The following FCRL3 variants were observed in gnomAD, a reference collection of about 807,000 sequenced individuals.
The protein encoded by FCRL3 is Fc receptor like 3.
In FCRL3, 89 loss-of-function variants were observed where a neutral mutation model predicts 75.0. That is an observed-to-expected ratio of 1.19 (90% CI 1.00 to 1.42). The LOEUF (loss-of-function observed/expected upper bound fraction) is 1.42, where lower values mean the gene tolerates loss of function less well. FCRL3 is among the 40% of genes most tolerant of loss of function. The pLI, the probability that FCRL3 is intolerant of heterozygous loss-of-function variation, is 0.00. For missense variants in FCRL3, 946 were observed against 880.0 expected (o/e 1.07, Z -0.95); for synonymous variants, 376 against 348.5 (o/e 1.08, Z -0.88).
chr1:157,695,428 T>G lies in FCRL3; in HGVS notation c.1312A>C (p.Asn438His). 6.2e-7 allele frequency: 1 copy of G among 1,614,186 alleles called. No individual in the cohort carries two copies. Among genetic ancestry groups the G allele is most frequent in the Non-Finnish European group, 8.5e-7 (1 of 1,180,024 alleles). Reference protein sequence around the residue: ...SAPSGGGASFNLSLTAEHSGN... With the variant: ...SAPSGGGASFHLSLTAEHSGN... ...GAATGTTCTGCAGTCAGAGAGAGGTTGAAGGAGGCTCCTCCTCCAGAGGGG... is the reference window on the plus strand; with the variant it reads ...GAATGTTCTGCAGTCAGAGAGAGGTGGAAGGAGGCTCCTCCTCCAGAGGGG... Residue 438 changes from asparagine (N) to histidine (H), a missense_variant, in exon 8 of 15, where the codon AAC becomes CAC. Transcript: ENST00000368184.
chr1:157,693,047 G>A (rs552806791), intron 8 of FCRL3, among the ~76,000 whole-genome samples: 27 of 151,974 alleles, frequency 1.8e-4, no homozygotes, highest in African/African-American at 5.8e-4. Context: ...AGGCTGTCGC[G>A]GGTAGATTCC....
At chr1:157,696,694 C>T (rs942200029) in intron 6 of FCRL3, 6 of 265,114 alleles carry the variant, frequency 2.3e-5, no homozygotes, top group Admixed American at 4.9e-5. Context: ...AAACCCTTCT[C>T]CTATTCTTCA....
chr1:157,689,076 T>C (rs1473085100), intron 10 of FCRL3, among the ~76,000 whole-genome samples: 4 of 152,198 alleles, frequency 2.6e-5, no homozygotes, highest in Admixed American at 6.5e-5. Context: ...AGAGATTGAA[T>C]ACTTTCCCCC....
intron 10 of FCRL3, among the ~76,000 whole-genome samples, chr1:157,689,398 C>T (rs761484439): frequency 1.7e-4 from 26 of 151,986 alleles, no homozygotes; most frequent in Non-Finnish European, 2.6e-4. Flanking sequence ...TCATTTTTGG[C>T]ATTCTTTATT....
intron 5 of FCRL3, 30 bp downstream of exon 5, chr1:157,697,629 C>T (rs372810600): frequency 8.8e-6 from 14 of 1,594,164 alleles, no homozygotes; most frequent in Non-Finnish European, 1.2e-5. Context: ...CCCTAACAAA[C>T]CCAGTAATCC....
Position 157,677,394 on chromosome 1 carries a change from C to T in FCRL3, c.*1316G>A. On this transcript the variant is annotated 3_prime_UTR_variant, in exon 15 of 15. Transcript: ENST00000368184. ...CTTTGAAAGGGACTTGGTGTTCCTA[C>T]ATGAACCAAGTGAAGGCCTAGAATT... is the stretch of plus-strand genomic sequence containing the variant. The T allele has an allele frequency of 4.1e-6, 4 of 985,648 alleles. No homozygotes were observed. The highest frequency in any genetic ancestry group is 3.6e-6 in the Non-Finnish European group (3 of 830,100). The allele number at this position is 985,648 out of a possible 1,614,324, so 61.1% of individuals were successfully genotyped here.
Position 157,698,515 on chromosome 1 carries a change from G to T in FCRL3, c.167C>A (p.Thr56Lys), listed in dbSNP as rs753184362. ...SISHSLAQGDTYWYHDEKLLK... is the reference protein window; with the variant it reads ...SISHSLAQGDKYWYHDEKLLK... ...CAACTTCTCATCGTGATACCAATAT[G>T]TGTCTCCCTGGGCTAGGGAATGTGA... The change falls in exon 4 of 15, where the codon ACA (threonine) becomes AAA (lysine). Residue 56 changes from threonine to lysine, a missense_variant. Coordinates refer to ENST00000368184, the MANE Select transcript of FCRL3 (RefSeq NM_052939.4). 6 of 1,614,210 alleles carry T rather than the reference G, an allele frequency of 3.7e-6. No individual in the cohort carries two copies. The highest frequency in any genetic ancestry group is 5.1e-6 in the Non-Finnish European group (6 of 1,180,028).
intron 8 of FCRL3, among the ~76,000 whole-genome samples, chr1:157,693,157 C>T (rs1655658381): frequency 6.6e-6 from 1 of 151,674 alleles, no homozygotes; most frequent in Non-Finnish European, 1.5e-5. Context: ...CCTCTGTAAT[C>T]CTAGCTACTG....
rs529388680 is a variant in FCRL3, at chr1:157,698,428, C to T, written c.254G>A (p.Arg85Gln). The change falls in exon 4 of 15, where the codon CGA (arginine) becomes CAA (glutamine). Residue 85 changes from arginine (R) to glutamine (Q), a missense_variant. Physicochemically the swap from Arg to Gln is conservative, Grantham distance 43 (BLOSUM62 1). Coordinates refer to ENST00000368184, the MANE Select transcript of FCRL3 (RefSeq NM_052939.4). ...TEPGNYQCKT[R>Q]GSSLSDAVHV... is the part of the protein sequence containing the mutation. ...CACGGCATCACTGAGGGAGGATCCT[C>T]GGGTCTTACATTGGTAATTTCCAGG... 51 of 1,614,202 alleles carry T rather than the reference C, an allele frequency of 3.2e-5. No homozygotes were observed. Among genetic ancestry groups the T allele is most frequent in the Middle Eastern group, 1.6e-4 (1 of 6,062 alleles).
In FCRL3 at chr1:157,677,038, C is replaced by T; in HGVS notation, c.*1672G>A. The T allele has an allele frequency of 8.1e-7, 1 of 1,234,530 alleles. No individual in the cohort carries two copies. The highest frequency in any genetic ancestry group is 1.5e-5 in the African/African-American group (1 of 65,050). The allele number at this position is 1,234,530 out of a possible 1,614,324, so 76.5% of individuals were successfully genotyped here. A position where few individuals can be genotyped will look rare whatever the true frequency, so the allele number is the denominator to read the frequency against. On this transcript the variant is annotated 3_prime_UTR_variant, in exon 15 of 15. Coordinates refer to ENST00000368184, the MANE Select transcript of FCRL3 (RefSeq NM_052939.4). ...CTTAAAATTTTAATGCCAATATGAACATGAACTGGCAGAGATCAGCATCTC... is the reference window on the plus strand; with the variant it reads ...CTTAAAATTTTAATGCCAATATGAATATGAACTGGCAGAGATCAGCATCTC...
intron 8 of FCRL3, among the ~76,000 whole-genome samples, chr1:157,692,251 T>G (rs1162818370): frequency 2.0e-5 from 3 of 152,170 alleles, no homozygotes; most frequent in African/African-American, 7.2e-5. Context: ...CTTTTTTTGT[T>G]TTTTTGAGAC....
chr1:157,689,707 G>T, intron 10 of FCRL3, 91 bp downstream of exon 10: 1 of 1,537,040 alleles, frequency 6.5e-7, no homozygotes, highest in Non-Finnish European at 8.9e-7. Context: ...ACTTGGAAGG[G>T]AATACTTGAC....
At chr1:157,684,123 A>G (rs1014660784) in intron 10 of FCRL3, among the ~76,000 whole-genome samples, 2 of 152,212 alleles carry the variant, frequency 1.3e-5, no homozygotes, top group Non-Finnish European at 2.9e-5. Context: ...ACAATTTTCT[A>G]AAAGGAGATT....
At chr1:157,678,888 T>C (rs1654633651) in intron 14 of FCRL3, 32 bp from the exon 15 acceptor site, 2 of 1,613,948 alleles carry the variant, frequency 1.2e-6, no homozygotes, top group Non-Finnish European at 1.7e-6. Context: ...GGTAAGTACC[T>C]AAATACAGGA....
rs1654606647 is a variant in FCRL3 at position 157,678,538 on chromosome 1, G to A, written c.*172C>T. On this transcript the variant is annotated 3_prime_UTR_variant, in exon 15 of 15. Coordinates refer to ENST00000368184, the MANE Select transcript of FCRL3 (RefSeq NM_052939.4). ...AGAGGCTGCCTGCTCTCTTCCTGGGGAACACACAGATCAGGCACAGGGGAG... is the reference window on the plus strand; with the variant it reads ...AGAGGCTGCCTGCTCTCTTCCTGGGAAACACACAGATCAGGCACAGGGGAG... 3 of 1,456,992 alleles carry A rather than the reference G, an allele frequency of 2.1e-6. No individual in the cohort carries two copies. The highest frequency in any genetic ancestry group is 1.8e-6 in the Non-Finnish European group (2 of 1,112,212). The allele number at this position is 1,456,992 out of a possible 1,614,324, so 90.3% of individuals were successfully genotyped here.
intron 10 of FCRL3, among the ~76,000 whole-genome samples, chr1:157,685,047 C>T (rs961561776): frequency 2.6e-5 from 4 of 151,812 alleles, no homozygotes; most frequent in Non-Finnish European, 5.9e-5. Flanking sequence ...TAACACTTCC[C>T]CTAAGTCTGG....
chr1:157,692,900 C>A (rs547552290), intron 8 of FCRL3, among the ~76,000 whole-genome samples: 24 of 152,232 alleles, frequency 1.6e-4, no homozygotes, highest in Admixed American at 3.9e-4. Context: ...AGTATGTCAA[C>A]TTTAAAAATT....
At chr1:157,688,127 C>T (rs1300027448) in intron 10 of FCRL3, among the ~76,000 whole-genome samples, 2 of 151,960 alleles carry the variant, frequency 1.3e-5, no homozygotes, top group African/African-American at 2.4e-5. Flanking sequence ...GGTCTAAACA[C>T]CTCATTTTAA....
In FCRL3 at chr1:157,694,830, G is replaced by A. The variant is rs1655781066; in HGVS notation, c.1411+499C>T. ...AATCTGGAGGCCATGAAAGAGGCCT[G>A]CTGCTGTGATCCTAGTGGCTGACAG... On this transcript the variant is annotated intron_variant, in intron 8 of 14. Transcript: ENST00000368184. Among the ~76,000 whole-genome samples the A allele has an allele frequency of 2.0e-5, 3 of 152,186 alleles. No homozygotes were observed. The South Asian group carries it at 6.2e-4, about 31-fold the overall frequency.
Sources: allele counts gnomAD v4.1 joint callset (sites outside exome capture counted in the v4.1 genomes callset), GRCh38; gene constraint gnomAD v4.1.1; transcripts MANE v1.5; gene names NCBI Gene and HGNC (gene_info 2026-07-23, HGNC 2026-07-21).